Variants in DNAH7 observed in about 807,000 individuals in gnomAD.
DNAH7 encodes dynein axonemal heavy chain 7.
DNAH7 carries 397 observed loss-of-function variants against 444.6 expected under a neutral mutation model. The ratio of observed to expected loss-of-function variants is 0.89; its 90% confidence interval spans 0.82 to 0.97. The LOEUF is 0.97. DNAH7 is among the 50% of genes least tolerant of loss of function. The pLI, the probability that DNAH7 is intolerant of heterozygous loss-of-function variation, is 0.00. For missense variants in DNAH7, 4,902 were observed against 4,800.8 expected (o/e 1.02, Z -0.62); for synonymous variants, 1,636 against 1,624.4 (o/e 1.01, Z -0.17).
At chr2:195,792,555 C>T (rs6751817) in intron 57 of DNAH7, among the ~76,000 whole-genome samples, 105,601 of 151,788 alleles carry the variant, frequency 0.7, 36,824 homozygotes, top group Non-Finnish European at 0.72. Flanking sequence ...TTAAGTATAA[C>T]ACTGAATACT....
intron 10 of DNAH7, among the ~76,000 whole-genome samples, chr2:196,009,295 A>G (rs1694580692): frequency 6.6e-6 from 1 of 152,208 alleles, no homozygotes; most frequent in Admixed American, 6.5e-5. Context: ...CCTTGCGAGT[A>G]TATTATCAAC....
chr2:195,894,883 T>G, intron 30 of DNAH7, 93 bp downstream of exon 30: 1 of 1,186,264 alleles, frequency 8.4e-7, no homozygotes, highest in Non-Finnish European at 1.1e-6. Context: ...TGATTTTAAG[T>G]TGCCACATTG....
intron 12 of DNAH7, among the ~76,000 whole-genome samples, chr2:195,997,140 G>T (rs969990358): frequency 6.6e-6 from 1 of 152,100 alleles, no homozygotes; most frequent in Admixed American, 6.5e-5. Flanking sequence ...TTTATTAATA[G>T]CCTATCTAAT....
intron 1 of DNAH7, among the ~76,000 whole-genome samples, chr2:196,058,509 G>A (rs1697950318): frequency 6.6e-6 from 1 of 152,068 alleles, no homozygotes; most frequent in Admixed American, 6.5e-5. Flanking sequence ...TAATAAAACA[G>A]TAATAATACA....
intron 21 of DNAH7, among the ~76,000 whole-genome samples, chr2:195,931,875 C>A (rs1313977858): frequency 5.9e-5 from 9 of 152,080 alleles, no homozygotes; most frequent in Non-Finnish European, 1.0e-4. Context: ...CAGCTTTGTT[C>A]TTTTGGCTTA....
chr2:195,839,691 G>C (rs1312906190), intron 47 of DNAH7, among the ~76,000 whole-genome samples: 3 of 151,660 alleles, frequency 2.0e-5, no homozygotes, highest in Non-Finnish European at 3.0e-5. Context: ...TATCATTACA[G>C]ACCCTACAGA....
chr2:195,949,374 C>A (rs2125471066), intron 19 of DNAH7, among the ~76,000 whole-genome samples: 2 of 152,252 alleles, frequency 1.3e-5, no homozygotes, highest in South Asian at 4.2e-4. Context: ...ACCTCTGCCT[C>A]CCGAGTTCAA....
At chr2:195,834,994 T>C (rs1698268414) in intron 47 of DNAH7, among the ~76,000 whole-genome samples, 2 of 152,212 alleles carry the variant, frequency 1.3e-5, no homozygotes, top group African/African-American at 4.8e-5. Context: ...ATGTAGTTCA[T>C]TACATATTTG....
At chr2:195,847,556 T>G (rs943256049) in intron 46 of DNAH7, among the ~76,000 whole-genome samples, 1 of 151,422 alleles carries the variant, frequency 6.6e-6, no homozygotes, top group African/African-American at 2.4e-5. Flanking sequence ...GCTTATTACC[T>G]GGGTGATGAC....
chr2:195,893,195 C>T (rs1436903207), intron 30 of DNAH7: 3 of 151,712 alleles, frequency 2.0e-5, no homozygotes, highest in African/African-American at 7.3e-5. Context: ...AGTGATCCGC[C>T]TGCCTTGGCC....
chr2:195,928,997 C>G (rs959757319), intron 21 of DNAH7, among the ~76,000 whole-genome samples: 2 of 152,124 alleles, frequency 1.3e-5, no homozygotes, highest in African/African-American at 4.8e-5. Context: ...CAAAAGACTC[C>G]TGGAGCTGAT....
At position 195,923,702 on chromosome 2, in the gene DNAH7, C is replaced by T. The variant is rs762184876; in HGVS notation, c.3718G>A (p.Val1240Met). Residue 1240 changes from valine to methionine, a missense_variant, in exon 23 of 65, where the codon GTG (valine) becomes ATG (methionine). Transcript: ENST00000312428. ...TCTCTAGCATGGACATCCAGTACCACAAGTGCTCCCAGAGTTACGCGATTC... is the reference window on the plus strand; with the variant it reads ...TCTCTAGCATGGACATCCAGTACCATAAGTGCTCCCAGAGTTACGCGATTC... ...MQNRVTLGAL[V>M]VLDVHARDVL... 1.2e-6 allele frequency: 2 copies of T among 1,614,150 alleles called. No individual in the cohort carries two copies. Among genetic ancestry groups the T allele is most frequent in the South Asian group, 1.1e-5 (1 of 91,080 alleles).
intron 21 of DNAH7, among the ~76,000 whole-genome samples, chr2:195,929,129 A>G (rs1574798881): frequency 1.3e-5 from 2 of 152,228 alleles, no homozygotes; most frequent in African/African-American, 4.8e-5. Context: ...CACAACAGCC[A>G]CAGACAAAAA....
chr2:195,888,148 T>C, intron 33 of DNAH7, 110 bp downstream of exon 33: 1 of 897,666 alleles, frequency 1.1e-6, no homozygotes, highest in Non-Finnish European at 1.6e-6. Context: ...CAAAAAGGTT[T>C]TGATTTAATA....
intron 40 of DNAH7, among the ~76,000 whole-genome samples, chr2:195,870,963 T>C (rs1284105607): frequency 1.3e-5 from 2 of 152,152 alleles, no homozygotes; most frequent in African/African-American, 2.4e-5. Context: ...TCTCAGTACA[T>C]TTCTATTACC....
intron 58 of DNAH7, among the ~76,000 whole-genome samples, chr2:195,781,852 T>C (rs1189825903): frequency 1.3e-5 from 2 of 152,132 alleles, no homozygotes; most frequent in Non-Finnish European, 2.9e-5. Context: ...ATGTGTGTAT[T>C]GTGTTTATAT....
rs764355139 is a variant in DNAH7, at chr2:195,900,393, T to C, written c.4437A>G (p.Val1479=). The change falls in exon 28 of 65, where the codon GTA becomes GTG. Residue 1479 remains valine, a synonymous_variant. Coordinates refer to ENST00000312428, the MANE Select transcript of DNAH7 (RefSeq NM_018897.3). ...ACAAGCGATACGTAGCCACAATTTT[T>C]ACAGACAGTGGTCGAGCAGTGACAA... is the stretch of plus-strand genomic sequence containing the variant. The part of the protein sequence containing the change: ...CGFVTARPLS[V]KIVATYRLCS... 4 of 1,614,070 alleles carry C rather than the reference T, an allele frequency of 2.5e-6. No homozygotes were observed. The highest frequency in any genetic ancestry group is 3.4e-6 in the Non-Finnish European group (4 of 1,179,940).
At chr2:195,836,552 C>T (rs1266682495) in intron 47 of DNAH7, among the ~76,000 whole-genome samples, 1 of 150,872 alleles carries the variant, frequency 6.6e-6, no homozygotes, top group Admixed American at 6.6e-5. Context: ...GGAGTCATGG[C>T]TTCAACATAA....
At chr2:195,829,722 A>G (rs1415810633) in intron 48 of DNAH7, among the ~76,000 whole-genome samples, 1 of 152,022 alleles carries the variant, frequency 6.6e-6, no homozygotes, top group Non-Finnish European at 1.5e-5. Context: ...AAGAGTGTCT[A>G]TATTAATATA....
Sources: allele counts gnomAD v4.1 joint callset (sites outside exome capture counted in the v4.1 genomes callset), GRCh38; gene constraint gnomAD v4.1.1; transcripts MANE v1.5; gene names NCBI Gene and HGNC (gene_info 2026-07-23, HGNC 2026-07-21).